Variants in OLFM3 observed in about 807,000 individuals in gnomAD.
OLFM3 encodes noelin-3.
OLFM3 carries 20 observed loss-of-function variants against 48.6 expected under a neutral mutation model. The ratio of observed to expected loss-of-function variants is 0.41; its 90% CI spans 0.29 to 0.60. The LOEUF is 0.60. OLFM3 is among the 20% of genes least tolerant of loss of function. The pLI is 0.28. For missense variants in OLFM3, 437 were observed against 544.3 expected, an observed-to-expected ratio of 0.80 and a Z score of 1.96; for synonymous variants, 222 against 198.1, an observed-to-expected ratio of 1.12 and a Z score of -1.01.
chr1:101,832,748 G>C (rs1655223404), intron 2 of OLFM3, among the ~76,000 whole-genome samples: 1 of 152,190 alleles, frequency 6.6e-6, no homozygotes, highest in Non-Finnish European at 1.5e-5. Context: ...ATTTTAAGGA[G>C]AGTCTTCCTA....
intron 1 of OLFM3, among the ~76,000 whole-genome samples, chr1:101,911,365 A>T (rs148114675): frequency 2.7e-4 from 41 of 152,314 alleles, no homozygotes; most frequent in African/African-American, 9.9e-4. Context: ...TTAGACTCTG[A>T]GTTGAGGCCC....
At chr1:101,976,927 A>G (rs1660970963) in intron 1 of OLFM3, among the ~76,000 whole-genome samples, 2 of 152,194 alleles carry the variant, frequency 1.3e-5, no homozygotes, top group African/African-American at 4.8e-5. Context: ...TAGAAGTGAT[A>G]CAAAGTGGGA....
chr1:101,989,752 T>C (rs1230113130), intron 1 of OLFM3, among the ~76,000 whole-genome samples: 1 of 145,124 alleles, frequency 6.9e-6, no homozygotes, highest in East Asian at 1.9e-4. Flanking sequence ...TAGAAGTCTC[T>C]ACTGAGAAGA....
intron 1 of OLFM3, among the ~76,000 whole-genome samples, chr1:101,968,763 C>T (rs1331670091): frequency 6.6e-6 from 1 of 152,138 alleles, no homozygotes; most frequent in Non-Finnish European, 1.5e-5. Flanking sequence ...TACGATTTAA[C>T]AAATTCCACT....
At chr1:101,860,671 C>G (rs1339849804) in intron 1 of OLFM3, among the ~76,000 whole-genome samples, 1 of 152,050 alleles carries the variant, frequency 6.6e-6, no homozygotes, top group African/African-American at 2.4e-5. Flanking sequence ...TTCATGAAAT[C>G]ATGTATGTGT....
intron 1 of OLFM3, among the ~76,000 whole-genome samples, chr1:101,942,843 T>C (rs1475223461): frequency 1.3e-5 from 2 of 152,162 alleles, no homozygotes; most frequent in African/African-American, 4.8e-5. Flanking sequence ...GGAAAATAAA[T>C]CAAGAATGAC....
chr1:101,880,526 C>T (rs1657481296), intron 1 of OLFM3, among the ~76,000 whole-genome samples: 1 of 151,730 alleles, frequency 6.6e-6, no homozygotes, highest in African/African-American at 2.4e-5. Context: ...ATGTAGTTTT[C>T]AGTCTTTCTG....
intron 1 of OLFM3, among the ~76,000 whole-genome samples, chr1:101,920,687 G>A (rs1369143995): frequency 6.6e-6 from 1 of 152,170 alleles, no homozygotes; most frequent in East Asian, 1.9e-4. Flanking sequence ...AAGTGATAGA[G>A]GTATTGGGGT....
At chr1:101,900,930 C>A (rs903193932) in intron 1 of OLFM3, among the ~76,000 whole-genome samples, 1 of 151,970 alleles carries the variant, frequency 6.6e-6, no homozygotes, top group Non-Finnish European at 1.5e-5. Flanking sequence ...AATTGTTAAA[C>A]CTGTTCAAAA....
intron 3 of OLFM3, among the ~76,000 whole-genome samples, chr1:101,826,164 A>G (rs911546223): frequency 1.1e-4 from 17 of 151,584 alleles, no homozygotes; most frequent in Non-Finnish European, 2.2e-4. Context: ...ACACACACAC[A>G]CACACACACA....
chr1:101,898,361 A>C (rs1359502171), intron 1 of OLFM3, among the ~76,000 whole-genome samples: 1 of 152,202 alleles, frequency 6.6e-6, no homozygotes. Flanking sequence ...TTGAGGATTT[A>C]GTTTCTGATG....
At chr1:101,894,256 G>T (rs1339767128) in intron 1 of OLFM3, among the ~76,000 whole-genome samples, 17 of 152,164 alleles carry the variant, frequency 1.1e-4, no homozygotes, top group East Asian at 1.9e-4. Flanking sequence ...CTCCACTTTG[G>T]CAACAAATAG....
At chr1:101,835,522 C>T (rs1032816114) in intron 2 of OLFM3, among the ~76,000 whole-genome samples, 4 of 152,184 alleles carry the variant, frequency 2.6e-5, no homozygotes, top group African/African-American at 9.7e-5. Context: ...CCATGTTGGC[C>T]AGGCTGTGTT....
intron 5 of OLFM3, 136 bp from the exon 6 acceptor site, chr1:101,805,051 C>T: frequency 1.5e-6 from 1 of 656,566 alleles, no homozygotes; most frequent in Non-Finnish European, 2.6e-6. Context: ...TGCTGACCTG[C>T]CGCAATGTAT....
At chr1:101,980,705 G>C (rs970026109) in intron 1 of OLFM3, among the ~76,000 whole-genome samples, 2 of 152,078 alleles carry the variant, frequency 1.3e-5, no homozygotes, top group African/African-American at 4.8e-5. Context: ...GGTAAATATG[G>C]CCCAGAGTGA....
At chr1:101,903,798 T>C (rs1332241319) in intron 1 of OLFM3, among the ~76,000 whole-genome samples, 1 of 151,984 alleles carries the variant, frequency 6.6e-6, no homozygotes, top group Non-Finnish European at 1.5e-5. Context: ...AAACAAAACA[T>C]TGTGATATTT....
chr1:101,946,454 C>G (rs1299833913), intron 1 of OLFM3, among the ~76,000 whole-genome samples: 1 of 152,100 alleles, frequency 6.6e-6, no homozygotes, highest in Non-Finnish European at 1.5e-5. Flanking sequence ...AACAGGCAAG[C>G]AAGTAAGTAC....
At chr1:101,960,837 A>T (rs1195561373) in intron 1 of OLFM3, among the ~76,000 whole-genome samples, 1 of 152,154 alleles carries the variant, frequency 6.6e-6, no homozygotes, top group African/African-American at 2.4e-5. Context: ...ATCCATCGTT[A>T]ACCACTCTGC....
intron 1 of OLFM3, among the ~76,000 whole-genome samples, chr1:101,837,268 T>C (rs1445723590): frequency 6.6e-6 from 1 of 152,208 alleles, no homozygotes; most frequent in Non-Finnish European, 1.5e-5. Context: ...TAGTAACTGA[T>C]TTTGATCTCA....
Sources: allele counts gnomAD v4.1 joint callset (sites outside exome capture counted in the v4.1 genomes callset), GRCh38; gene constraint gnomAD v4.1.1; transcripts MANE v1.5; gene names NCBI Gene and HGNC (gene_info 2026-07-23, HGNC 2026-07-21).